Variants in TOPBP1 observed in about 807,000 individuals in gnomAD.
TOPBP1 encodes the protein DNA topoisomerase II binding protein 1.
A neutral mutation model predicts 167.7 loss-of-function variants in TOPBP1; 28 were observed. The observed-to-expected ratio is 0.17, with a 90% CI of 0.12 to 0.23. The LOEUF is 0.23. TOPBP1 is among the 10% of genes least tolerant of loss of function. The probability of loss-of-function intolerance (pLI) is 1.00; values close to 1 mark genes in which losing one functional copy is unlikely to be tolerated. For missense variants in TOPBP1, 1,554 were observed against 1,809.6 expected (o/e 0.86, Z 2.56); for synonymous variants, 598 against 611.4 (o/e 0.98, Z 0.32).
rs774140168 is a variant in TOPBP1 at position 133,612,432 on chromosome 3, C to T, written c.3992G>A (p.Arg1331His). The T allele has an allele frequency of 2.5e-5, 41 of 1,613,790 alleles. 1 individual carries two copies. The highest frequency in any genetic ancestry group is 7.7e-5 in the South Asian group (7 of 91,082). Residue 1331 changes from arginine (R) to histidine (H), a missense_variant, in exon 24 of 28, where the codon CGC becomes CAC. Transcript: ENST00000260810. ...SVAAGKWVLH[R>H]SYLEACRTAG... The stretch of plus-strand genomic sequence containing the variant: ...AGTCCTGCAGGCTTCAAGGTAGGAG[C>T]GATGAAGCACCCACTTCCCAGCTGC...
At chr3:133,639,929 T>A in intron 13 of TOPBP1, 30 bp downstream of exon 13, 1 of 1,591,864 alleles carries the variant, frequency 6.3e-7, no homozygotes, top group Non-Finnish European at 8.6e-7. Flanking sequence ...GTTGTAAATA[T>A]ATATAAAAGA....
intron 12 of TOPBP1, 139 bp downstream of exon 12, chr3:133,643,061 G>T: frequency 1.4e-6 from 1 of 704,746 alleles, no homozygotes; most frequent in Non-Finnish European, 2.1e-6. Context: ...GTGAAGCAGT[G>T]GGAGTGGAGA....
At chr3:133,658,046 C>A in intron 3 of TOPBP1, 105 bp from the exon 4 acceptor site, 1 of 887,236 alleles carries the variant, frequency 1.1e-6, no homozygotes, top group Non-Finnish European at 1.6e-6. Context: ...AGTTGATGAC[C>A]ACTGTAGAGA....
At chr3:133,612,604 G>A in intron 23 of TOPBP1, 52 bp from the exon 24 acceptor site, 5 of 1,487,066 alleles carry the variant, frequency 3.4e-6, no homozygotes, top group East Asian at 2.4e-5. Context: ...CTTCTTTCTA[G>A]GAAAAATGTA....
chr3:133,636,075 T>C, intron 14 of TOPBP1, among the ~76,000 whole-genome samples: 1 of 68,230 alleles, frequency 1.5e-5, no homozygotes, highest in East Asian at 3.0e-4. Context: ...ATAACAAAAC[T>C]ATAGTTATTA....
chr3:133,636,008 AAC>A (rs910769559), intron 14 of TOPBP1, among the ~76,000 whole-genome samples: 6 of 152,208 alleles, frequency 3.9e-5, no homozygotes, highest in South Asian at 2.1e-4. Flanking sequence ...ATAAAAAAAA[AAC>A]AGACTCAAAA....
intron 10 of TOPBP1, among the ~76,000 whole-genome samples, chr3:133,646,555 G>A (rs1479505213): frequency 6.6e-6 from 1 of 151,950 alleles, no homozygotes; most frequent in African/African-American, 2.4e-5. Context: ...GGAGGCTGAG[G>A]GAAGAGAATT....
chr3:133,645,246 T>C lies in TOPBP1; in HGVS notation c.1505-883A>G, dbSNP rs147400020. Reference sequence around the variant, plus strand: ...TATATTAGGAACTTATGACTCCTACTAAACATAAGTATTAAAATTGTACTT... The same window carrying C: ...TATATTAGGAACTTATGACTCCTACCAAACATAAGTATTAAAATTGTACTT... On this transcript the variant is annotated intron_variant, in intron 10 of 27. Coordinates refer to ENST00000260810, the MANE Select transcript of TOPBP1 (RefSeq NM_007027.4). Among the ~76,000 whole-genome samples, 21 of 152,344 alleles carry C rather than the reference T, an allele frequency of 1.4e-4. No homozygotes were observed. In the East Asian group the frequency reaches 4.0e-3, roughly 29 times the overall value.
At chr3:133,607,595 G>A (rs2107768959) in intron 27 of TOPBP1, among the ~76,000 whole-genome samples, 1 of 152,034 alleles carries the variant, frequency 6.6e-6, no homozygotes, top group South Asian at 2.1e-4. Flanking sequence ...CTAAACTTTC[G>A]AGCACTTATG....
intron 12 of TOPBP1, among the ~76,000 whole-genome samples, chr3:133,641,169 G>A (rs1323224798): frequency 2.0e-5 from 3 of 151,784 alleles, no homozygotes; most frequent in Non-Finnish European, 4.4e-5. Context: ...TACTTATTTA[G>A]ATATGAGATA....
At chr3:133,646,232 T>C (rs903576099) in intron 10 of TOPBP1, among the ~76,000 whole-genome samples, 1 of 152,206 alleles carries the variant, frequency 6.6e-6, no homozygotes, top group Non-Finnish European at 1.5e-5. Flanking sequence ...CTAAGATGCT[T>C]GGTGATCCAC....
At chr3:133,659,881 T>A (rs192660636) in intron 2 of TOPBP1, among the ~76,000 whole-genome samples, 172 of 152,306 alleles carry the variant, frequency 1.1e-3, no homozygotes, top group Non-Finnish European at 2.1e-3. Flanking sequence ...TTTGAGGTCC[T>A]TATGTTAAAT....
intron 2 of TOPBP1, among the ~76,000 whole-genome samples, chr3:133,659,630 T>G (rs1033283760): frequency 6.6e-6 from 1 of 152,340 alleles, no homozygotes; most frequent in East Asian, 1.9e-4. Context: ...TTTCCAGGTT[T>G]TCACCTGACT....
rs1031003913 is a variant in TOPBP1, at chr3:133,601,328, C to T, written c.4491G>A (p.Lys1497=). The change falls in exon 28 of 28, where the codon AAG becomes AAA. Residue 1497 remains lysine, a synonymous_variant. Transcript: ENST00000260810. ...PEAISFIQNN[K]ELGTGLSQKR... is the part of the protein sequence containing the mutation. ...TTTGTGATAATCCAGTCCCAAGTTC[C>T]TTATTATTCTGAATAAATGAAATAG... The T allele has an allele frequency of 2.4e-5, 39 of 1,598,366 alleles. No individual in the cohort carries two copies. Among genetic ancestry groups the T allele is most frequent in the African/African-American group, 5.4e-5 (4 of 74,014 alleles).
chr3:133,617,468 T>A (rs1934937687), intron 21 of TOPBP1, 142 bp from the exon 22 acceptor site: 2 of 867,966 alleles, frequency 2.3e-6, no homozygotes, highest in Non-Finnish European at 3.2e-6. Context: ...AAAAGTATCC[T>A]ATCCCCAGAA....
intron 10 of TOPBP1, among the ~76,000 whole-genome samples, chr3:133,646,581 G>C (rs1222472704): frequency 6.6e-6 from 1 of 151,526 alleles, no homozygotes; most frequent in Non-Finnish European, 1.5e-5. Flanking sequence ...AACTCGGGAG[G>C]AGGAGGTTGC....
At chr3:133,622,264 C>A (rs950144707) in intron 19 of TOPBP1, among the ~76,000 whole-genome samples, 1 of 145,690 alleles carries the variant, frequency 6.9e-6, no homozygotes, top group Non-Finnish European at 1.5e-5. Flanking sequence ...GATCTCGGCT[C>A]ACCGCAACCT....
chr3:133,618,462 A>G (rs1347744307), intron 20 of TOPBP1, 29 bp from the exon 21 acceptor site: 1 of 1,596,690 alleles, frequency 6.3e-7, no homozygotes, highest in South Asian at 1.1e-5. Flanking sequence ...AGTTTAAATA[A>G]ACAGCAATAA....
At chr3:133,661,251 C>A in intron 1 of TOPBP1, 117 bp from the exon 2 acceptor site, 1 of 708,674 alleles carries the variant, frequency 1.4e-6, no homozygotes, top group South Asian at 2.5e-5. Flanking sequence ...CATTCTGGCT[C>A]TGCCCGTGAA....
Sources: allele counts gnomAD v4.1 joint callset (sites outside exome capture counted in the v4.1 genomes callset), GRCh38; gene constraint gnomAD v4.1.1; transcripts MANE v1.5; gene names NCBI Gene and HGNC (gene_info 2026-07-23, HGNC 2026-07-21).